Variants in NAT1 observed in about 807,000 individuals in gnomAD.
The protein encoded by NAT1 is arylamine N-acetyltransferase 1.
For synonymous variants in NAT1, 144 were observed against 122.6 expected, an observed-to-expected ratio of 1.17 and a Z score of -1.16; for missense variants, 400 against 339.2, an observed-to-expected ratio of 1.18 and a Z score of -1.41.
At chr8:18,171,611 A>G (rs961373428) in intron 2 of NAT1, among the ~76,000 whole-genome samples, 4 of 152,194 alleles carry the variant, frequency 2.6e-5, no homozygotes, top group Admixed American at 1.3e-4. Context: ...TAGCTAAGGT[A>G]TTTCTGCACA....
At chr8:18,174,736 G>A (rs1401538849) in intron 2 of NAT1, among the ~76,000 whole-genome samples, 3 of 151,960 alleles carry the variant, frequency 2.0e-5, no homozygotes, top group African/African-American at 4.8e-5. Flanking sequence ...GTAAGGAGTC[G>A]GGAAACCCAG....
chr8:18,215,741 C>T (rs1471664817), intron 1 of NAT1, among the ~76,000 whole-genome samples: 1 of 152,022 alleles, frequency 6.6e-6, no homozygotes, highest in African/African-American at 2.4e-5. Flanking sequence ...TGTTAGTTCT[C>T]ATCATTTTCA....
At chr8:18,188,833 A>G (rs1802852327) in intron 2 of NAT1, among the ~76,000 whole-genome samples, 1 of 151,590 alleles carries the variant, frequency 6.6e-6, no homozygotes, top group Admixed American at 6.6e-5. Context: ...CGTCTCTACT[A>G]AAACTACAAA....
At chr8:18,218,893 C>A (rs1167647196) in intron 1 of NAT1, among the ~76,000 whole-genome samples, 1 of 152,126 alleles carries the variant, frequency 6.6e-6, no homozygotes, top group Non-Finnish European at 1.5e-5. Flanking sequence ...AAGAGATGCT[C>A]TGATAGCGGA....
chr8:18,197,079 T>G (rs1351961435), intron 2 of NAT1, among the ~76,000 whole-genome samples: 1 of 151,882 alleles, frequency 6.6e-6, no homozygotes, highest in Non-Finnish European at 1.5e-5. Context: ...CACCCGATGG[T>G]TTTAAAGCCA....
At chr8:18,200,699 A>T (rs1439721641) in intron 2 of NAT1, among the ~76,000 whole-genome samples, 1 of 152,134 alleles carries the variant, frequency 6.6e-6, no homozygotes, top group Non-Finnish European at 1.5e-5. Flanking sequence ...AAAAAATAAT[A>T]AAAAAACTAA....
chr8:18,198,917 G>A (rs374756176), intron 2 of NAT1, among the ~76,000 whole-genome samples: 1 of 152,106 alleles, frequency 6.6e-6, no homozygotes, highest in South Asian at 2.1e-4. Flanking sequence ...TCTATGTTCA[G>A]AAGTCAGCTT....
At chr8:18,173,046 G>A (rs539160572) in intron 2 of NAT1, among the ~76,000 whole-genome samples, 1 of 152,186 alleles carries the variant, frequency 6.6e-6, no homozygotes, top group East Asian at 1.9e-4. Flanking sequence ...CTTCCATGGT[G>A]TTTTATTGTC....
At chr8:18,209,335 T>C (rs1372470684), upstream of NAT1, among the ~76,000 whole-genome samples, 1 of 152,266 alleles carries the variant, frequency 6.6e-6, no homozygotes, top group Non-Finnish European at 1.5e-5. Context: ...TGGTGGAATG[T>C]TCTCAAAACA....
upstream of NAT1, among the ~76,000 whole-genome samples, chr8:18,208,726 G>A (rs532666328): frequency 2.2e-4 from 33 of 152,318 alleles, no homozygotes; most frequent in Non-Finnish European, 4.4e-4. Context: ...TGACCCCACT[G>A]CAGTGGAACA....
chr8:18,206,256 C>T (rs1452816231), upstream of NAT1, among the ~76,000 whole-genome samples: 1 of 152,174 alleles, frequency 6.6e-6, no homozygotes, highest in East Asian at 1.9e-4. Flanking sequence ...GCAGCAGACC[C>T]ATGTAGGGTT....
chr8:18,216,819 T>G (rs1055153885), intron 1 of NAT1: 1 of 1,003,028 alleles, frequency 1.0e-6, no homozygotes, highest in Non-Finnish European at 1.5e-6. Flanking sequence ...CTCAATAGGA[T>G]GTGGCACAAA....
chr8:18,173,986 G>A (rs917497463), intron 2 of NAT1, among the ~76,000 whole-genome samples: 2 of 152,060 alleles, frequency 1.3e-5, no homozygotes, highest in African/African-American at 4.8e-5. Context: ...ACAGTCTATT[G>A]AGATGGATAA....
intron 2 of NAT1, among the ~76,000 whole-genome samples, chr8:18,176,754 AT>A (rs1802311129): frequency 6.6e-6 from 1 of 152,040 alleles, no homozygotes; most frequent in Non-Finnish European, 1.5e-5. Flanking sequence ...TTATAAAAAA[AT>A]AACATTGAAA....
At chr8:18,203,308 T>A (rs1055598642) in intron 2 of NAT1, among the ~76,000 whole-genome samples, 16 of 152,254 alleles carry the variant, frequency 1.1e-4, no homozygotes, top group African/African-American at 3.6e-4. Context: ...CATGTGTCTT[T>A]AGTAATTTTG....
chr8:18,218,807 G>C (rs1256901204), intron 1 of NAT1, among the ~76,000 whole-genome samples: 3 of 151,988 alleles, frequency 2.0e-5, no homozygotes, highest in African/African-American at 7.3e-5. Context: ...AATGAGTTTC[G>C]GGGGTCCCAC....
chr8:18,203,154 G>A (rs1803552010), intron 2 of NAT1, among the ~76,000 whole-genome samples: 1 of 152,154 alleles, frequency 6.6e-6, no homozygotes. Context: ...TCTGTCATAT[G>A]TCTGTATGTT....
chr8:18,209,492 G>C (rs1423222062), upstream of NAT1, among the ~76,000 whole-genome samples: 3 of 152,172 alleles, frequency 2.0e-5, no homozygotes, highest in East Asian at 5.8e-4. Context: ...GTTGTATAGA[G>C]AAAAATGCAT....
intron 1 of NAT1, chr8:18,216,735 G>A: frequency 1.8e-6 from 1 of 570,376 alleles, no homozygotes; most frequent in Non-Finnish European, 3.1e-6. Context: ...ATTGGGAGAA[G>A]ATAAAAGCAA....
Sources: allele counts gnomAD v4.1 joint callset (sites outside exome capture counted in the v4.1 genomes callset), GRCh38; gene constraint gnomAD v4.1.1; transcripts MANE v1.5; gene names NCBI Gene and HGNC (gene_info 2026-07-23, HGNC 2026-07-21).